PRR11: variants seen among roughly 807,000 people sequenced by gnomAD.
The protein encoded by PRR11 is proline-rich protein 11.
Under a neutral mutation model 45.6 loss-of-function variants are expected in PRR11, and 30 were observed. The observed-to-expected ratio is 0.66, with a 90% CI of 0.49 to 0.89. The LOEUF is 0.89. Among genes scored for constraint, PRR11 ranks in the 40% least tolerant of loss-of-function variants. The pLI is 0.00. For synonymous variants in PRR11, 128 were observed against 153.5 expected (o/e 0.83, Z 1.23); for missense variants, 373 against 424.8 (o/e 0.88, Z 1.07).
Position 59,203,747 on chromosome 17 carries a change from A to T in PRR11, c.*2116A>T, listed in dbSNP as rs1292397153. 6.6e-6 allele frequency: 1 copy of T among 150,742 alleles called. No homozygotes were observed. The highest frequency in any genetic ancestry group is 6.7e-5 in the Admixed American group (1 of 15,006). The allele number at this position is 150,742 out of a possible 1,614,324, so 9.3% of individuals were successfully genotyped here. Reference sequence around the variant, plus strand: ...GTGTCACGCACCTGTAGTCCCAGTTACTTGAACCTGGGAGGCAGAGGTTGC... The same window carrying T: ...GTGTCACGCACCTGTAGTCCCAGTTTCTTGAACCTGGGAGGCAGAGGTTGC... On this transcript the variant is annotated 3_prime_UTR_variant, in exon 10 of 10. Transcript: ENST00000262293.
At chr17:59,170,264 A>AT (rs1378733517) in intron 2 of PRR11, among the ~76,000 whole-genome samples, 1 of 152,170 alleles carries the variant, frequency 6.6e-6, no homozygotes, top group Non-Finnish European at 1.5e-5. Flanking sequence ...GAAAAAAAAA[A>AT]GAAGGCCCAG....
intron 4 of PRR11, among the ~76,000 whole-genome samples, chr17:59,190,642 G>A (rs1353813009): frequency 1.3e-5 from 2 of 152,252 alleles, no homozygotes; most frequent in East Asian, 3.8e-4. Flanking sequence ...TCTAGGGTAT[G>A]GCTGGATTCA....
Position 59,169,899 on chromosome 17 carries a change from C to A in PRR11, c.128+19C>A, listed in dbSNP as rs1300087695. On this transcript the variant is annotated intron_variant, in intron 2 of 9. Coordinates refer to ENST00000262293, the MANE Select transcript of PRR11 (RefSeq NM_018304.4). ...CAGAAAGGTAAGGCTTAATGTGGAA[C>A]AGAAAAAATATTAGAGAGATCTGAT... The A allele has an allele frequency of 1.3e-6, 2 of 1,579,050 alleles. No homozygotes were observed. Among genetic ancestry groups the A allele is most frequent in the African/African-American group, 1.4e-5 (1 of 72,552 alleles).
chr17:59,162,722 C>T, intron 1 of PRR11, among the ~76,000 whole-genome samples: 1 of 137,870 alleles, frequency 7.3e-6, no homozygotes. Context: ...TTCACTTTCT[C>T]TCCCTTTTTT....
At chr17:59,190,056 C>A (rs2046833987) in intron 4 of PRR11, among the ~76,000 whole-genome samples, 1 of 152,022 alleles carries the variant, frequency 6.6e-6, no homozygotes, top group Admixed American at 6.6e-5. Context: ...ATAAACCTTC[C>A]CTTCTCTCCT....
chr17:59,174,953 G>T, intron 2 of PRR11: 1 of 793,668 alleles, frequency 1.3e-6, no homozygotes, highest in Non-Finnish European at 1.9e-6. Context: ...CCCCCACCCC[G>T]CCTACCTCCT....
At chr17:59,189,515 G>T (rs1488953671) in intron 4 of PRR11, among the ~76,000 whole-genome samples, 1 of 151,650 alleles carries the variant, frequency 6.6e-6, no homozygotes, top group Non-Finnish European at 1.5e-5. Flanking sequence ...TGTATTTTTA[G>T]TAGAGACAGG....
At chr17:59,189,483 G>A (rs1351260949) in intron 4 of PRR11, among the ~76,000 whole-genome samples, 4 of 151,828 alleles carry the variant, frequency 2.6e-5, no homozygotes, top group African/African-American at 7.3e-5. Context: ...ACAGGTGCCC[G>A]CCACCATGCC....
chr17:59,179,202 G>T (rs2046766720), intron 2 of PRR11, among the ~76,000 whole-genome samples: 1 of 152,104 alleles, frequency 6.6e-6, no homozygotes, highest in African/African-American at 2.4e-5. Flanking sequence ...ATTTTACTAT[G>T]TTGGTCAGGC....
intron 2 of PRR11, among the ~76,000 whole-genome samples, chr17:59,174,691 A>G (rs1238585891): frequency 6.6e-6 from 1 of 152,164 alleles, no homozygotes; most frequent in Admixed American, 6.5e-5. Flanking sequence ...TTTCCAAAAT[A>G]GACCCCAATA....
At chr17:59,180,509 TGTTTTTTTTG>T (rs2046777437) in intron 2 of PRR11, among the ~76,000 whole-genome samples, 1 of 128,080 alleles carries the variant, frequency 7.8e-6, no homozygotes, top group African/African-American at 3.0e-5. Flanking sequence ...TTTTTTTTTT[TGTTTTTTTTG>T]TTTTTTTTGC....
At chr17:59,180,310 T>C (rs2046774902) in intron 2 of PRR11, among the ~76,000 whole-genome samples, 1 of 150,482 alleles carries the variant, frequency 6.6e-6, no homozygotes, top group Admixed American at 6.6e-5. Context: ...TTTGTTCTTT[T>C]AGTAGGGATG....
intron 4 of PRR11, among the ~76,000 whole-genome samples, chr17:59,188,370 ACAT>A (rs2046824119): frequency 6.6e-6 from 1 of 152,230 alleles, no homozygotes; most frequent in African/African-American, 2.4e-5. Context: ...TAATTAATTA[ACAT>A]CTATCAAAAT....
intron 1 of PRR11, 73 bp from the exon 2 acceptor site, chr17:59,169,675 C>A: frequency 7.6e-7 from 1 of 1,319,588 alleles, no homozygotes; most frequent in South Asian, 1.5e-5. Context: ...ATTAACTATA[C>A]ACTTAAGATT....
intron 4 of PRR11, among the ~76,000 whole-genome samples, chr17:59,188,658 G>A (rs1479855040): frequency 6.6e-6 from 1 of 151,992 alleles, no homozygotes; most frequent in Non-Finnish European, 1.5e-5. Flanking sequence ...TACACTAATG[G>A]CCAGGCGTGG....
intron 1 of PRR11, among the ~76,000 whole-genome samples, chr17:59,157,270 C>T (rs1351116252): frequency 6.6e-6 from 1 of 152,158 alleles, no homozygotes; most frequent in East Asian, 1.9e-4. Flanking sequence ...AAATTTGTCA[C>T]ACCCTTGAAA....
intron 1 of PRR11, among the ~76,000 whole-genome samples, chr17:59,166,605 TA>T (rs1463620757): frequency 6.6e-6 from 1 of 152,180 alleles, no homozygotes; most frequent in Admixed American, 6.5e-5. Context: ...ATCATTATGA[TA>T]TATACTTATA....
rs1339420513 is a variant in PRR11, at chr17:59,194,849, G to C, written c.738G>C (p.Lys246Asn). 1.2e-6 allele frequency: 2 copies of C among 1,611,600 alleles called. No homozygotes were observed. Among genetic ancestry groups the C allele is most frequent in the Admixed American group, 3.3e-5 (2 of 59,942 alleles). Reference protein sequence around the residue: ...KLKKTQSLDEKRKLIPSPKAR... With the variant: ...KLKKTQSLDENRKLIPSPKAR... The stretch of plus-strand genomic sequence containing the variant: ...AGAAGACACAGAGTTTAGATGAAAA[G>C]AGGAAGGTAAGATGTCATTGACCAC... Residue 246 changes from lysine (K) to asparagine (N), a missense_variant, in exon 6 of 10, where the codon AAG becomes AAC. Physicochemically the swap from Lys to Asn is moderately conservative, Grantham distance 94. Coordinates refer to ENST00000262293, the MANE Select transcript of PRR11 (RefSeq NM_018304.4).
rs146593516 is a variant in PRR11 at position 59,203,149 on chromosome 17, C to T, written c.*1518C>T. Among the ~76,000 whole-genome samples the T allele has an allele frequency of 6.6e-6, 1 of 152,292 alleles. No homozygotes were observed. Among genetic ancestry groups the T allele is most frequent in the East Asian group, 1.9e-4 (1 of 5,184 alleles). ...TCAGACTAGAAAGCAGACCTGGGGACAGTGTTTACCACCTAAGAGGCAGTC... is the reference window on the plus strand; with the variant it reads ...TCAGACTAGAAAGCAGACCTGGGGATAGTGTTTACCACCTAAGAGGCAGTC... On this transcript the variant is annotated 3_prime_UTR_variant, in exon 10 of 10. Coordinates refer to ENST00000262293, the MANE Select transcript of PRR11 (RefSeq NM_018304.4).
Sources: allele counts gnomAD v4.1 joint callset (sites outside exome capture counted in the v4.1 genomes callset), GRCh38; gene constraint gnomAD v4.1.1; transcripts MANE v1.5; gene names NCBI Gene and HGNC (gene_info 2026-07-23, HGNC 2026-07-21).